NASP: variants seen among roughly 807,000 people sequenced by gnomAD.
NASP encodes the protein NASP histone chaperone.
NASP carries 24 observed loss-of-function variants against 89.5 expected under a neutral mutation model. The observed-to-expected ratio is 0.27, with a 90% confidence interval of 0.19 to 0.38. The LOEUF (loss-of-function observed/expected upper bound fraction) is 0.38, where lower values mean the gene tolerates loss of function less well. Among genes scored for constraint, NASP ranks in the 10% least tolerant of loss-of-function variants. The pLI is 1.00. For missense variants in NASP, 848 were observed against 921.4 expected, an observed-to-expected ratio of 0.92 and a Z score of 1.03; for synonymous variants, 306 against 324.7, an observed-to-expected ratio of 0.94 and a Z score of 0.62.
intron 1 of NASP, among the ~76,000 whole-genome samples, chr1:45,586,423 C>T (rs1281316591): frequency 1.3e-5 from 2 of 151,854 alleles, no homozygotes; most frequent in South Asian, 2.1e-4. Flanking sequence ...GTAGCTGGGA[C>T]TGCAGGCGCA....
At chr1:45,605,054 T>A (rs760547620) in intron 4 of NASP, 38 bp downstream of exon 4, 2 of 1,459,434 alleles carry the variant, frequency 1.4e-6, no homozygotes, top group Non-Finnish European at 1.9e-6. Flanking sequence ...GTTTCCTTGT[T>A]AAGATTGTTT....
intron 6 of NASP, 46 bp downstream of exon 6, chr1:45,608,383 A>T (rs1182550306): frequency 6.5e-7 from 1 of 1,546,224 alleles, no homozygotes; most frequent in Non-Finnish European, 8.8e-7. Context: ...TACATTCTGG[A>T]TTTGACTCAC....
In NASP at chr1:45,615,330, G is replaced by A. The variant is rs1443384900; in HGVS notation, c.1881G>A (p.Glu627=). ...CTGTACTAAACGAGCAGGTGAAGGA[G>A]GCTGAAGGATCGTCTGCTGAATACA... ...RMAVLNEQVK[E]AEGSSAEYKK... is the part of the protein sequence containing the mutation. Residue 627 remains glutamate (E), a synonymous_variant, in exon 11 of 15, where the codon GAG becomes GAA. Transcript: ENST00000350030. 4 of 1,614,184 alleles carry A rather than the reference G, an allele frequency of 2.5e-6. No individual in the cohort carries two copies. Among genetic ancestry groups the A allele is most frequent in the Non-Finnish European group, 2.5e-6 (3 of 1,180,038 alleles).
intron 2 of NASP, among the ~76,000 whole-genome samples, chr1:45,598,558 C>G (rs1469172769): frequency 6.6e-6 from 1 of 152,148 alleles, no homozygotes; most frequent in East Asian, 1.9e-4. Flanking sequence ...TGTGTATTCT[C>G]CTCTGTTAAG....
rs146674909 is a variant in NASP at position 45,608,084 on chromosome 1, T to C, written c.1173T>C (p.Pro391=). 5.5e-5 allele frequency: 88 copies of C among 1,613,988 alleles called. No individual in the cohort carries two copies. The East Asian group carries it at 2.0e-3, about 36-fold the overall frequency. ...NGPSVVGDQT[P]IEPQTSIERL... is the part of the protein sequence containing the mutation. ...CGTCAGTTGTAGGAGATCAGACTCC[T>C]ATTGAACCACAGACTTCTATAGAAA... Residue 391 remains proline (P), a synonymous_variant, in exon 6 of 15, where the codon CCT becomes CCC. Coordinates refer to ENST00000350030, the MANE Select transcript of NASP (RefSeq NM_002482.4).
At chr1:45,614,272 G>T in intron 8 of NASP, 21 bp from the exon 9 acceptor site, 1 of 1,611,454 alleles carries the variant, frequency 6.2e-7, no homozygotes, top group Non-Finnish European at 8.5e-7. Context: ...TAAGGTTTTT[G>T]ATCAATTTTC....
chr1:45,613,039 G>T, intron 6 of NASP, 130 bp from the exon 7 acceptor site: 1 of 1,295,016 alleles, frequency 7.7e-7, no homozygotes, highest in Non-Finnish European at 1.0e-6. Context: ...TTCAGTTCAG[G>T]TGTTAACTCA....
intron 6 of NASP, 167 bp from the exon 7 acceptor site, chr1:45,613,002 A>C (rs540513914): frequency 4.3e-5 from 40 of 935,008 alleles, no homozygotes; most frequent in Non-Finnish European, 4.0e-5. Flanking sequence ...GTTACACTTG[A>C]ACTAGACTGC....
rs528096835 is a variant in NASP, at chr1:45,608,902, CTT to C, written c.1426+567_1426+568del. ...AGAGTTAAAGAATTCTGGTGCCCCT[CTT>C]TAAGTCTTCAGGAAGTGTTTAGAGG... On this transcript the variant is annotated intron_variant, in intron 6 of 14. Transcript: ENST00000350030. Among the ~76,000 whole-genome samples the C allele has an allele frequency of 9.2e-5, 14 of 152,240 alleles. No homozygotes were observed. In the South Asian group the frequency reaches 2.5e-3, roughly 27 times the overall value.
rs200502715 is a variant in NASP at position 45,616,735 on chromosome 1, G to A, written c.2157+32G>A. ...CTACATGTGGTGTTTCTTTTCTACC[G>A]TTTCCTCAGACTCCATTTTTAATCC... On this transcript the variant is annotated intron_variant, in intron 13 of 14. Transcript: ENST00000350030. The A allele has an allele frequency of 2.3e-5, 37 of 1,582,580 alleles. No individual in the cohort carries two copies. The African/African-American group carries it at 3.6e-4, about 16-fold the overall frequency.
At position 45,615,326 on chromosome 1, in the gene NASP, A is replaced by G. The variant is rs772824544; in HGVS notation, c.1877A>G (p.Lys626Arg). 6.2e-7 allele frequency: 1 copy of G among 1,614,180 alleles called. No individual in the cohort carries two copies. Among genetic ancestry groups the G allele is most frequent in the Non-Finnish European group, 8.5e-7 (1 of 1,180,030 alleles). ...TTAGCTGTACTAAACGAGCAGGTGA[A>G]GGAGGCTGAAGGATCGTCTGCTGAA... ...NRMAVLNEQVKEAEGSSAEYK... is the reference protein window; with the variant it reads ...NRMAVLNEQVREAEGSSAEYK... Residue 626 changes from lysine to arginine, a missense_variant, in exon 11 of 15, where the codon AAG (lysine) becomes AGG (arginine). Coordinates refer to ENST00000350030, the MANE Select transcript of NASP (RefSeq NM_002482.4).
chr1:45,614,012 C>CT (rs914730045), intron 7 of NASP, 84 bp from the exon 8 acceptor site: 22 of 1,148,402 alleles, frequency 1.9e-5, no homozygotes, highest in African/African-American at 1.4e-4. Context: ...CGTATATCAA[C>CT]TTTTTTTAAG....
intron 1 of NASP, among the ~76,000 whole-genome samples, chr1:45,590,466 G>A (rs928611005): frequency 6.6e-6 from 1 of 150,740 alleles, no homozygotes; most frequent in Non-Finnish European, 1.5e-5. Context: ...GGAGAATGGC[G>A]TGAACCCGGG....
chr1:45,587,661 CATATATATATAT>C (rs1553169239), intron 1 of NASP, among the ~76,000 whole-genome samples: 1 of 6,388 alleles, frequency 1.6e-4, no homozygotes, highest in African/African-American at 7.3e-4. Flanking sequence ...TGAGTTTTTT[CATATATATATAT>C]ATATATATAT....
intron 2 of NASP, among the ~76,000 whole-genome samples, chr1:45,596,305 A>G (rs1408164541): frequency 6.6e-6 from 1 of 152,154 alleles, no homozygotes; most frequent in Non-Finnish European, 1.5e-5. Context: ...GTAAATTCAC[A>G]TTGTCGTATA....
At chr1:45,587,401 C>A (rs938581020) in intron 1 of NASP, among the ~76,000 whole-genome samples, 2 of 151,678 alleles carry the variant, frequency 1.3e-5, no homozygotes, top group Non-Finnish European at 2.9e-5. Flanking sequence ...GAACTCCTGA[C>A]CTCAGGTGAT....
chr1:45,609,875 T>C (rs141622856), intron 6 of NASP: 1 of 152,188 alleles, frequency 6.6e-6, no homozygotes, highest in Admixed American at 6.6e-5. Context: ...AAGAAGACAG[T>C]GTTCATCCTT....
At chr1:45,602,839 GTCTCGAAC>G (rs1464641295) in intron 3 of NASP, among the ~76,000 whole-genome samples, 1 of 152,126 alleles carries the variant, frequency 6.6e-6, no homozygotes, top group Middle Eastern at 3.2e-3. Context: ...GCCCAGGCTG[GTCTCGAAC>G]TCTTGGGCTT....
intron 2 of NASP, among the ~76,000 whole-genome samples, chr1:45,598,151 C>T (rs936673568): frequency 6.6e-6 from 1 of 150,846 alleles, no homozygotes; most frequent in African/African-American, 2.4e-5. Context: ...TAACATTTGA[C>T]CCAATCCATT....
Sources: allele counts gnomAD v4.1 joint callset (sites outside exome capture counted in the v4.1 genomes callset), GRCh38; gene constraint gnomAD v4.1.1; transcripts MANE v1.5; gene names NCBI Gene and HGNC (gene_info 2026-07-23, HGNC 2026-07-21).